Variants in ANKS1B observed in about 807,000 individuals in gnomAD.
ANKS1B encodes the protein ankyrin repeat and sterile alpha motif domain containing 1B.
A neutral mutation model predicts 148.3 loss-of-function variants in ANKS1B; 36 were observed. That is an observed-to-expected ratio of 0.24 (90% confidence interval 0.19 to 0.32). ANKS1B has a LOEUF of 0.32. ANKS1B is among the 10% of genes least tolerant of loss of function. The pLI, the probability that ANKS1B is intolerant of heterozygous loss-of-function variation, is 1.00. For missense variants in ANKS1B, 1,157 were observed against 1,542.6 expected, an observed-to-expected ratio of 0.75 and a Z score of 4.19; for synonymous variants, 542 against 560.8, an observed-to-expected ratio of 0.97 and a Z score of 0.47.
chr12:99,780,060 C>T lies in ANKS1B; in HGVS notation c.746-88G>A, dbSNP rs2064092926. The T allele has an allele frequency of 3.6e-5, 33 of 912,864 alleles. No individual in the cohort carries two copies. In the South Asian group the frequency reaches 4.4e-4, roughly 12 times the overall value. The allele number at this position is 912,864 out of a possible 1,614,324, so 56.5% of individuals were successfully genotyped here. On this transcript the variant is annotated intron_variant, in intron 5 of 26. Transcript: ENST00000683438. Reference sequence around the variant, plus strand: ...ACTATCTAACTGCTGTAATTTCAGACATATACAGACCAAGCATTGAAAGTG... The same window carrying T: ...ACTATCTAACTGCTGTAATTTCAGATATATACAGACCAAGCATTGAAAGTG...
chr12:99,403,586 G>T (rs2094464277), intron 11 of ANKS1B, among the ~76,000 whole-genome samples: 1 of 144,998 alleles, frequency 6.9e-6, no homozygotes, highest in Non-Finnish European at 1.5e-5. Flanking sequence ...TCTGTGGGTT[G>T]TCTGTTTACT....
intron 14 of ANKS1B, among the ~76,000 whole-genome samples, chr12:99,235,019 G>A (rs2087633964): frequency 6.6e-6 from 1 of 152,164 alleles, no homozygotes; most frequent in Non-Finnish European, 1.5e-5. Flanking sequence ...CACAGAGCCA[G>A]CCTCTGTTAA....
chr12:99,534,545 A>G (rs2097042029), intron 9 of ANKS1B, among the ~76,000 whole-genome samples: 1 of 152,188 alleles, frequency 6.6e-6, no homozygotes, highest in Non-Finnish European at 1.5e-5. Flanking sequence ...CGAGGCTGTG[A>G]AATTGTCATT....
chr12:99,960,744 A>G (rs1247447967), intron 1 of ANKS1B, among the ~76,000 whole-genome samples: 1 of 152,202 alleles, frequency 6.6e-6, no homozygotes, highest in Non-Finnish European at 1.5e-5. Flanking sequence ...AAATAAATAC[A>G]TATTAAAAAT....
chr12:99,204,214 C>T (rs1462048068), intron 14 of ANKS1B, among the ~76,000 whole-genome samples: 2 of 152,202 alleles, frequency 1.3e-5, no homozygotes, highest in East Asian at 3.8e-4. Context: ...CAATGTTTAG[C>T]AGCATCAACC....
intron 8 of ANKS1B, among the ~76,000 whole-genome samples, chr12:99,718,049 GC>G (rs2057607306): frequency 1.3e-5 from 2 of 151,288 alleles, no homozygotes; most frequent in South Asian, 2.1e-4. Context: ...GACTACAGGC[GC>G]CCGCTACCAC....
chr12:99,740,210 CT>C (rs1456350457), intron 8 of ANKS1B, among the ~76,000 whole-genome samples: 2 of 151,986 alleles, frequency 1.3e-5, no homozygotes, highest in African/African-American at 4.8e-5. Flanking sequence ...ACTTGGGAAG[CT>C]GAGGGGGAGG....
intron 17 of ANKS1B, among the ~76,000 whole-genome samples, chr12:99,037,897 G>A (rs2099956518): frequency 6.6e-6 from 1 of 152,164 alleles, no homozygotes; most frequent in Admixed American, 6.5e-5. Context: ...ATGTAGTCAA[G>A]TGCCGTGACA....
At chr12:99,587,428 A>T (rs2097653465) in intron 9 of ANKS1B, among the ~76,000 whole-genome samples, 1 of 152,230 alleles carries the variant, frequency 6.6e-6, no homozygotes, top group African/African-American at 2.4e-5. Context: ...AGTGATTGCC[A>T]AGGAATGATT....
chr12:98,759,954 T>C (rs1372837619), intron 25 of ANKS1B, among the ~76,000 whole-genome samples: 11 of 152,080 alleles, frequency 7.2e-5, no homozygotes, highest in Admixed American at 7.2e-4. Flanking sequence ...CATTCCAGCC[T>C]GGGTGACAGA....
chr12:99,199,689 T>C (rs527868782), intron 14 of ANKS1B, among the ~76,000 whole-genome samples: 4 of 152,234 alleles, frequency 2.6e-5, no homozygotes, highest in South Asian at 2.1e-4. Flanking sequence ...GAAAGAAATA[T>C]ACCTTTTTGG....
At position 98,809,202 on chromosome 12, in the gene ANKS1B, T is replaced by TA. The variant is rs1281176170; in HGVS notation, c.3067-1285dup. Among the ~76,000 whole-genome samples the TA allele has an allele frequency of 6.6e-5, 10 of 152,322 alleles. No homozygotes were observed. The East Asian group carries it at 1.9e-3, about 29-fold the overall frequency. On this transcript the variant is annotated intron_variant, in intron 19 of 26. Transcript: ENST00000683438. ...CACCTTTCACTTAAACCAGCTCTGCTATCCTCAGTTCCCTCTCTAAACTTC... is the reference window on the plus strand; with the variant it reads ...CACCTTTCACTTAAACCAGCTCTGCTAATCCTCAGTTCCCTCTCTAAACTTC...
rs758201572 is a variant in ANKS1B, at chr12:99,775,599, G to T, written c.910C>A (p.Gln304Lys). 1 of 1,613,272 alleles carries T rather than the reference G, an allele frequency of 6.2e-7. No individual in the cohort carries two copies. Among genetic ancestry groups the T allele is most frequent in the South Asian group, 1.1e-5 (1 of 90,982 alleles). ...ACAGGAGATGAAATGTGTGTTTCTT[G>T]TGTTGCATCTTCCTGTACAGGCTCT... ...LEEPVQEDAT[Q>K]ETHISSPVES... The change falls in exon 7 of 27, where the codon CAA (glutamine) becomes AAA (lysine). Residue 304 changes from glutamine to lysine, a missense_variant. This residue lies in a region of ANKS1B where 661 missense variants were observed against 642.1 expected (regional missense o/e 1.03). Transcript: ENST00000683438.
intron 12 of ANKS1B, among the ~76,000 whole-genome samples, chr12:99,317,371 G>A (rs1026869547): frequency 1.5e-4 from 23 of 152,104 alleles, no homozygotes; most frequent in African/African-American, 2.7e-4. Context: ...CCTTGAAGAG[G>A]TCCTTCATGT....
At chr12:99,501,895 T>TA (rs2096659539) in intron 10 of ANKS1B, among the ~76,000 whole-genome samples, 2 of 152,242 alleles carry the variant, frequency 1.3e-5, no homozygotes. Flanking sequence ...TCGATTTCTG[T>TA]AATTTTCATA....
At chr12:99,698,029 G>A (rs2054201419) in intron 8 of ANKS1B, among the ~76,000 whole-genome samples, 1 of 151,944 alleles carries the variant, frequency 6.6e-6, no homozygotes, top group Admixed American at 6.6e-5. Context: ...ACCTATATGG[G>A]GTGGGTAGAA....
intron 11 of ANKS1B, among the ~76,000 whole-genome samples, chr12:99,417,433 A>G (rs1448960643): frequency 6.6e-6 from 1 of 152,122 alleles, no homozygotes; most frequent in East Asian, 1.9e-4. Context: ...ATAATACTAC[A>G]TTGTCTTAAG....
chr12:99,885,025 C>T (rs1301684490), intron 1 of ANKS1B, among the ~76,000 whole-genome samples: 1 of 151,280 alleles, frequency 6.6e-6, no homozygotes, highest in African/African-American at 2.4e-5. Flanking sequence ...AGCTTTGGTT[C>T]CCCCAATTTT....
chr12:99,245,470 G>A (rs1177185764), intron 13 of ANKS1B, among the ~76,000 whole-genome samples: 4 of 152,118 alleles, frequency 2.6e-5, no homozygotes, highest in African/African-American at 9.7e-5. Flanking sequence ...AAAGGACAAT[G>A]GGCATTACTT....
Sources: allele counts gnomAD v4.1 joint callset (sites outside exome capture counted in the v4.1 genomes callset), GRCh38; gene constraint gnomAD v4.1.1; regional missense constraint gnomAD v4.1.1; transcripts MANE v1.5; gene names NCBI Gene and HGNC (gene_info 2026-07-23, HGNC 2026-07-21).